Variants in SPAG17 observed in about 807,000 individuals in gnomAD.
The protein encoded by SPAG17 is sperm-associated antigen 17.
A neutral mutation model predicts 273.6 loss-of-function variants in SPAG17; 169 were observed. That is an observed-to-expected ratio of 0.62 (90% CI 0.55 to 0.70). The LOEUF is 0.70. SPAG17 is among the 30% of genes least tolerant of loss of function. SPAG17 has a pLI of 0.00. For synonymous variants in SPAG17, 825 were observed against 873.2 expected (o/e 0.94, Z 0.97); for missense variants, 2,557 against 2,627.8 (o/e 0.97, Z 0.59).
chr1:118,038,163 C>G (rs908780325), intron 23 of SPAG17, among the ~76,000 whole-genome samples: 1 of 152,004 alleles, frequency 6.6e-6, no homozygotes, highest in Non-Finnish European at 1.5e-5. Flanking sequence ...ATACAAATGG[C>G]AAATAAGCAT....
intron 17 of SPAG17, among the ~76,000 whole-genome samples, chr1:118,073,565 T>C (rs1212745197): frequency 6.6e-6 from 1 of 152,150 alleles, no homozygotes; most frequent in Non-Finnish European, 1.5e-5. Context: ...TTTTAGAAAA[T>C]ACATGCAGCA....
chr1:118,002,771 C>T (rs1275837460), intron 32 of SPAG17, among the ~76,000 whole-genome samples: 4 of 152,100 alleles, frequency 2.6e-5, no homozygotes, highest in Non-Finnish European at 4.4e-5. Context: ...GGTCGTGACT[C>T]TTTATCCAAT....
At chr1:118,139,516 T>C (rs111336709) in intron 3 of SPAG17, among the ~76,000 whole-genome samples, 3 of 152,340 alleles carry the variant, frequency 2.0e-5, no homozygotes, top group African/African-American at 7.2e-5. Context: ...TGCACCTCCA[T>C]GTTCATTGTA....
intron 20 of SPAG17, among the ~76,000 whole-genome samples, chr1:118,045,421 C>A (rs1183268467): frequency 6.6e-6 from 1 of 152,226 alleles, no homozygotes; most frequent in Non-Finnish European, 1.5e-5. Flanking sequence ...AGCTTCTGAA[C>A]TAAGTTGGTG....
At chr1:117,995,984 T>A (rs1657606223) in intron 34 of SPAG17, among the ~76,000 whole-genome samples, 1 of 152,044 alleles carries the variant, frequency 6.6e-6, no homozygotes, top group Admixed American at 6.6e-5. Flanking sequence ...CAAAGCAATA[T>A]CTTCAAAATG....
At chr1:117,954,952 C>A in intron 48 of SPAG17, 1 of 381,782 alleles carries the variant, frequency 2.6e-6, no homozygotes, top group Non-Finnish European at 4.6e-6. Flanking sequence ...GGAAAGTTGA[C>A]AGAAATCAGT....
Position 117,961,709 on chromosome 1 carries a change from CAATCACTG to C in SPAG17, c.*2082_*2089del, listed in dbSNP as rs1235920104. ...AGTCTTAATGTTCTTGAGCATAACA[CAATCACTG>C]AAGTGAGTAAGGGATGCAGTGGTGT... On this transcript the variant is annotated intron_variant, in intron 48 of 48. Coordinates refer to ENST00000336338, the MANE Select transcript of SPAG17 (RefSeq NM_206996.4). 2.0e-5 allele frequency: 3 copies of C among 152,040 alleles called. No homozygotes were observed. The East Asian group carries it at 5.8e-4, about 29-fold the overall frequency. The allele number at this position is 152,040 out of a possible 1,614,324, so 9.4% of individuals were successfully genotyped here.
intron 1 of SPAG17, among the ~76,000 whole-genome samples, chr1:118,172,177 A>C (rs1321659288): frequency 6.6e-6 from 1 of 152,230 alleles, no homozygotes; most frequent in Non-Finnish European, 1.5e-5. Flanking sequence ...TCAATATATT[A>C]TAGTAGATGT....
intron 48 of SPAG17, chr1:117,959,154 AAAAC>A (rs1376728096): frequency 2.6e-5 from 35 of 1,355,604 alleles, no homozygotes; most frequent in Non-Finnish European, 3.3e-5. Flanking sequence ...AGGAATAGAA[AAAAC>A]AAACAAGAAA....
intron 3 of SPAG17, among the ~76,000 whole-genome samples, chr1:118,117,279 C>G (rs530470739): frequency 2.6e-5 from 4 of 152,218 alleles, no homozygotes; most frequent in African/African-American, 9.6e-5. Context: ...CTTTTCCTGA[C>G]GACCTGTGAA....
chr1:118,074,670 CT>C, intron 15 of SPAG17, 70 bp from the exon 16 acceptor site: 1 of 1,384,454 alleles, frequency 7.2e-7, no homozygotes, highest in Non-Finnish European at 1.0e-6. Context: ...TAATGCTGTG[CT>C]TTTTTGTTGC....
chr1:118,005,770 C>T (rs528802431), intron 31 of SPAG17, among the ~76,000 whole-genome samples, 168 bp from the exon 32 acceptor site: 67 of 152,198 alleles, frequency 4.4e-4, no homozygotes, highest in African/African-American at 1.5e-3. Flanking sequence ...AAGGGCTACT[C>T]GATAAAGAGG....
intron 20 of SPAG17, among the ~76,000 whole-genome samples, chr1:118,047,517 T>C (rs1181770591): frequency 6.6e-6 from 1 of 151,926 alleles, no homozygotes; most frequent in Non-Finnish European, 1.5e-5. Flanking sequence ...TCAAGCTGGC[T>C]CCCCATGGCC....
At chr1:118,053,808 C>T (rs909176321) in intron 20 of SPAG17, among the ~76,000 whole-genome samples, 194 bp downstream of exon 20, 8 of 151,802 alleles carry the variant, frequency 5.3e-5, no homozygotes, top group Non-Finnish European at 2.9e-5. Context: ...TACACAAAAA[C>T]GCACAAATAG....
At chr1:118,019,433 G>C (rs1418799599) in intron 28 of SPAG17, among the ~76,000 whole-genome samples, 2 of 151,768 alleles carry the variant, frequency 1.3e-5, no homozygotes, top group Non-Finnish European at 2.9e-5. Flanking sequence ...TAATTGTTTA[G>C]AATGAAGCTC....
chr1:118,171,919 C>T (rs370045400), intron 1 of SPAG17, among the ~76,000 whole-genome samples: 1 of 152,012 alleles, frequency 6.6e-6, no homozygotes, highest in African/African-American at 2.4e-5. Context: ...TCTTTGGACC[C>T]GATCTTGAAA....
At chr1:118,081,997 T>C (rs1654618085) in intron 13 of SPAG17, among the ~76,000 whole-genome samples, 1 of 152,192 alleles carries the variant, frequency 6.6e-6, no homozygotes, top group African/African-American at 2.4e-5. Context: ...CACCCTTTTC[T>C]CCTGTTGTAA....
rs557341440 is a variant in SPAG17, at chr1:118,103,711, C to A, written c.448-1785G>T. ...TCGTGACTGCTATGAAGAATAAAAC[C>A]CAGTGTCGTTATAGAAACACAATTG... On this transcript the variant is annotated intron_variant, in intron 4 of 48. Coordinates refer to ENST00000336338, the MANE Select transcript of SPAG17 (RefSeq NM_206996.4). Among the ~76,000 whole-genome samples, 3 of 152,038 alleles carry A rather than the reference C, an allele frequency of 2.0e-5. No homozygotes were observed. In the South Asian group the frequency reaches 6.2e-4, roughly 32 times the overall value.
In SPAG17 at chr1:118,016,044, A is replaced by C; in HGVS notation, c.4208T>G (p.Ile1403Ser). The C allele has an allele frequency of 6.2e-7, 1 of 1,614,018 alleles. No individual in the cohort carries two copies. ...TATTCTTTCTAATCCTTTGGTGCCG[A>C]TCCGATTTCCTTCAGGTGTGGTTGT... Reference protein sequence around the residue: ...WFTTTPEGNRIGTKGLERIAD... With the variant: ...WFTTTPEGNRSGTKGLERIAD... The change falls in exon 29 of 49, where the codon ATC becomes AGC. Residue 1403 changes from isoleucine (I) to serine (S), a missense_variant. By Grantham distance (142) the Ile-to-Ser change is moderately radical. Coordinates refer to ENST00000336338, the MANE Select transcript of SPAG17 (RefSeq NM_206996.4).
Sources: allele counts gnomAD v4.1 joint callset (sites outside exome capture counted in the v4.1 genomes callset), GRCh38; gene constraint gnomAD v4.1.1; transcripts MANE v1.5; gene names NCBI Gene and HGNC (gene_info 2026-07-23, HGNC 2026-07-21).